Variants in CCDC7 observed in about 807,000 individuals in gnomAD.
The protein encoded by CCDC7 is coiled-coil domain containing 7.
In CCDC7, 183 loss-of-function variants were observed where a neutral mutation model predicts 196.9. That is an observed-to-expected ratio of 0.93 (90% CI 0.82 to 1.05). The LOEUF (loss-of-function observed/expected upper bound fraction) is 1.05. Ranked by LOEUF, CCDC7 falls within the 50% of genes least tolerant of loss-of-function variation. The probability of loss-of-function intolerance (pLI) is 0.00; values close to 1 mark genes in which losing one functional copy is unlikely to be tolerated. For missense variants in CCDC7, 1,540 were observed against 1,482.2 expected (o/e 1.04, Z -0.64); for synonymous variants, 525 against 484.6 (o/e 1.08, Z -1.10).
At chr10:32,621,114 T>C (rs1233219599) in intron 18 of CCDC7, among the ~76,000 whole-genome samples, 1 of 152,136 alleles carries the variant, frequency 6.6e-6, no homozygotes, top group African/African-American at 2.4e-5. Context: ...AACCCTGTTG[T>C]TTTCAAGATT....
rs780311880 is a variant in CCDC7 at position 32,473,985 on chromosome 10, C to G, written c.758C>G (p.Ser253Ter). The G allele has an allele frequency of 4.3e-6, 7 of 1,610,796 alleles. No individual in the cohort carries two copies. In the East Asian group the frequency reaches 1.6e-4, roughly 36 times the overall value. The stretch of plus-strand genomic sequence containing the variant: ...ACTTCAGAATTCTTAGAAGCCCACT[C>G]AACTGATGAATTTAAAGATGTTTCT... The change falls in exon 8 of 42, where the codon TCA becomes TGA. Residue 253 changes from serine to a stop codon, truncating the protein, a stop_gained. Coordinates refer to ENST00000639629, the Ensembl canonical transcript of CCDC7. LOFTEE classifies it high-confidence loss of function.
At chr10:32,461,468 C>T (rs1373502999) in intron 3 of CCDC7, among the ~76,000 whole-genome samples, 1 of 151,850 alleles carries the variant, frequency 6.6e-6, no homozygotes, top group Non-Finnish European at 1.5e-5. Context: ...TATATTTAGT[C>T]AGTTTCTCTT....
intron 9 of CCDC7, chr10:32,512,581 C>A (rs1014446549): frequency 6.6e-5 from 10 of 152,074 alleles, no homozygotes; most frequent in African/African-American, 2.4e-4. Flanking sequence ...ACATTGATTA[C>A]AGACCTAAAT....
At chr10:32,702,978 G>C (rs1250789953) in intron 24 of CCDC7, among the ~76,000 whole-genome samples, 3 of 152,254 alleles carry the variant, frequency 2.0e-5, no homozygotes, top group Middle Eastern at 3.4e-3. Flanking sequence ...CAATTTGCCA[G>C]TCTGTGTCTT....
chr10:32,585,805 T>A (rs1025109853), intron 18 of CCDC7, among the ~76,000 whole-genome samples: 18 of 152,234 alleles, frequency 1.2e-4, no homozygotes, highest in Admixed American at 1.0e-3. Flanking sequence ...TCCAAGCCTT[T>A]GTTATTGTGA....
At chr10:32,805,194 T>G (rs1295470659) in intron 30 of CCDC7, 96 bp downstream of exon 31, 1 of 843,610 alleles carries the variant, frequency 1.2e-6, no homozygotes, top group African/African-American at 1.7e-5. Flanking sequence ...CATTTGTTAT[T>G]ATGACATGGG....
At chr10:32,583,385 G>T (rs1299545605) in intron 17 of CCDC7, 78 bp downstream of exon 18, 16 of 965,930 alleles carry the variant, frequency 1.7e-5, no homozygotes, top group Non-Finnish European at 1.9e-5. Flanking sequence ...CCATTTAAAT[G>T]GGTTAAAAAT....
At chr10:32,871,125 A>G (rs917735784) in intron 41 of CCDC7, among the ~76,000 whole-genome samples, 5 of 152,196 alleles carry the variant, frequency 3.3e-5, no homozygotes, top group African/African-American at 1.2e-4. Context: ...AAAATGAGTT[A>G]CGGAGGATTC....
At chr10:32,484,670 C>A (rs1375726959) in intron 8 of CCDC7, among the ~76,000 whole-genome samples, 1 of 152,162 alleles carries the variant, frequency 6.6e-6, no homozygotes, top group Non-Finnish European at 1.5e-5. Flanking sequence ...AGATATGTCC[C>A]ATCAATTACC....
chr10:32,732,560 G>C (rs925595851), intron 28 of CCDC7, among the ~76,000 whole-genome samples: 1 of 151,884 alleles, frequency 6.6e-6, no homozygotes, highest in African/African-American at 2.4e-5. Flanking sequence ...TTGTAGTTCT[G>C]CCAATTTTTG....
chr10:32,691,233 A>C, intron 23 of CCDC7, among the ~76,000 whole-genome samples: 1 of 152,142 alleles, frequency 6.6e-6, no homozygotes, highest in East Asian at 1.9e-4. Flanking sequence ...AGGGAAGAGC[A>C]CTTTTATTAG....
intron 20 of CCDC7, among the ~76,000 whole-genome samples, chr10:32,654,306 C>G (rs939235906): frequency 6.6e-6 from 1 of 152,148 alleles, no homozygotes; most frequent in South Asian, 2.1e-4. Flanking sequence ...AGTCCAACAT[C>G]TTGGCATCTT....
At chr10:32,799,997 G>A (rs1351347484) in intron 29 of CCDC7, among the ~76,000 whole-genome samples, 2 of 152,256 alleles carry the variant, frequency 1.3e-5, no homozygotes, top group African/African-American at 2.4e-5. Flanking sequence ...CATTTGCCAA[G>A]TCAGTGGCCA....
At chr10:32,489,314 T>A (rs1403058785) in intron 8 of CCDC7, among the ~76,000 whole-genome samples, 1 of 152,212 alleles carries the variant, frequency 6.6e-6, no homozygotes, top group Non-Finnish European at 1.5e-5. Flanking sequence ...GTGTCTAGAA[T>A]GCAGGCACTT....
intron 20 of CCDC7, among the ~76,000 whole-genome samples, chr10:32,645,503 CTTTTTTTTTTTTT>C (rs35170235): frequency 4.0e-4 from 26 of 65,144 alleles, no homozygotes; most frequent in East Asian, 3.1e-3. Flanking sequence ...GAGTCCATGT[CTTTTTTTTTTTTT>C]TTTTTTTTTT....
chr10:32,863,178 A>AC (rs1370056345), intron 41 of CCDC7, among the ~76,000 whole-genome samples: 9 of 152,112 alleles, frequency 5.9e-5, no homozygotes, highest in Non-Finnish European at 1.0e-4. Context: ...CACAAAAAAA[A>AC]CCATGAATAG....
chr10:32,567,082 A>T (rs1454808924), intron 14 of CCDC7, among the ~76,000 whole-genome samples: 1 of 144,892 alleles, frequency 6.9e-6, no homozygotes, highest in Non-Finnish European at 1.5e-5. Flanking sequence ...AATATATATT[A>T]TATATATATT....
At chr10:32,507,291 T>G (rs989919766) in intron 9 of CCDC7, among the ~76,000 whole-genome samples, 8 of 151,310 alleles carry the variant, frequency 5.3e-5, no homozygotes, top group Non-Finnish European at 1.2e-4. Context: ...GCGCCTGGCC[T>G]GTGTGTTCTT....
At chr10:32,669,800 C>CT (rs1565060266) in intron 21 of CCDC7, among the ~76,000 whole-genome samples, 1 of 151,820 alleles carries the variant, frequency 6.6e-6, no homozygotes. Flanking sequence ...TTTGTCTTTT[C>CT]TTTTTTTGTT....
Sources: gnomAD v4.1 joint callset for allele counts (sites outside exome capture counted in the v4.1 genomes callset) on GRCh38, gnomAD v4.1.1 for gene constraint, MANE v1.5 for transcripts, NCBI Gene and HGNC (gene_info 2026-07-23, HGNC 2026-07-21) for gene names.